VPS45: variants seen among roughly 807,000 people sequenced by gnomAD.
The protein encoded by VPS45 is vacuolar protein sorting-associated protein 45.
A neutral mutation model predicts 75.9 loss-of-function variants in VPS45; 35 were observed. The observed-to-expected ratio is 0.46, with a 90% CI of 0.35 to 0.61. The LOEUF (loss-of-function observed/expected upper bound fraction) is 0.61, where lower values mean the gene tolerates loss of function less well. Ranked by LOEUF, VPS45 falls within the 20% of genes least tolerant of loss-of-function variation. The pLI is 0.00. For missense variants in VPS45, 559 were observed against 685.9 expected, an observed-to-expected ratio of 0.81 and a Z score of 2.07; for synonymous variants, 220 against 238.2, an observed-to-expected ratio of 0.92 and a Z score of 0.70.
At chr1:150,125,700 T>A (rs751213866) in intron 14 of VPS45, among the ~76,000 whole-genome samples, 8 of 151,004 alleles carry the variant, frequency 5.3e-5, no homozygotes, top group Admixed American at 1.3e-4. Flanking sequence ...TATTTTTTAA[T>A]CATTTTTGAG....
intron 14 of VPS45, among the ~76,000 whole-genome samples, chr1:150,122,786 G>T (rs1658304241): frequency 6.6e-6 from 1 of 151,878 alleles, no homozygotes; most frequent in Admixed American, 6.6e-5. Flanking sequence ...ATCACCTGAG[G>T]TCAGGAGTTT....
At chr1:150,128,853 C>T (rs1201892656) in intron 14 of VPS45, among the ~76,000 whole-genome samples, 3 of 152,076 alleles carry the variant, frequency 2.0e-5, no homozygotes, top group African/African-American at 7.2e-5. Flanking sequence ...GATTCTCCTG[C>T]CACAAAGTCC....
In VPS45 at chr1:150,077,541, CTTCATATGG is replaced by C. The variant is rs1445518177; in HGVS notation, c.577-127_577-119del. ...CTAAACTTTGTGAGACTTTTGAATC[CTTCATATGG>C]AAGATCTATGTGGGTGCAAAGAACT... On this transcript the variant is annotated intron_variant, in intron 6 of 14. Transcript: ENST00000644510. 4.1e-6 allele frequency: 3 copies of C among 727,888 alleles called. No homozygotes were observed. In the African/African-American group the frequency reaches 5.4e-5, roughly 13 times the overall value. The allele number at this position is 727,888 out of a possible 1,614,324, so 45.1% of individuals were successfully genotyped here.
chr1:150,093,630 C>A lies in VPS45; in HGVS notation c.1475C>A (p.Pro492His), dbSNP rs1571852478. ...GAAAACCTATATCCTTATTTAGGCCCCAGCACACTCAGAGACAGGTAAGCT... is the reference window on the plus strand; with the variant it reads ...GAAAACCTATATCCTTATTTAGGCCACAGCACACTCAGAGACAGGTAAGCT... The part of the protein sequence containing the change: ...LKENLYPYLG[P>H]STLRDRPQDI... The change falls in exon 13 of 15, where the codon CCC becomes CAC. Residue 492 changes from proline to histidine, a missense_variant. By Grantham distance (77) the Pro-to-His change is moderately conservative. Transcript: ENST00000644510. The A allele has an allele frequency of 6.2e-7, 1 of 1,612,232 alleles. No individual in the cohort carries two copies. Among genetic ancestry groups the A allele is most frequent in the Non-Finnish European group, 8.5e-7 (1 of 1,179,214 alleles).
At chr1:150,074,018 T>TC (rs1236502172) in intron 3 of VPS45, among the ~76,000 whole-genome samples, 2 of 149,738 alleles carry the variant, frequency 1.3e-5, no homozygotes, top group African/African-American at 4.9e-5. Flanking sequence ...TTGTTTTTGT[T>TC]TTTTTTTTTT....
chr1:150,068,566 G>C lies in VPS45; in HGVS notation c.94-64G>C. ...AAGTATTAATGAAAAAAGAGGGTTA[G>C]ATGTGCTACTTGTTTTTATTATTCT... On this transcript the variant is annotated intron_variant, in intron 1 of 14. Transcript: ENST00000644510. 5 of 1,379,316 alleles carry C rather than the reference G, an allele frequency of 3.6e-6. No homozygotes were observed. In the South Asian group the frequency reaches 9.1e-5, roughly 25 times the overall value. 85.4% of individuals were successfully genotyped at this position (1,379,316 alleles called of 1,614,324 possible). A position where few individuals can be genotyped will look rare whatever the true frequency, so the allele number is the denominator to read the frequency against.
chr1:150,073,651 AAAC>A (rs1174821832), intron 3 of VPS45, among the ~76,000 whole-genome samples: 1 of 152,154 alleles, frequency 6.6e-6, no homozygotes, highest in East Asian at 1.9e-4. Context: ...GTTAAAAAAA[AAAC>A]AACGAATAAT....
intron 14 of VPS45, among the ~76,000 whole-genome samples, chr1:150,129,795 C>A (rs1658723841): frequency 6.6e-6 from 1 of 150,882 alleles, no homozygotes; most frequent in Non-Finnish European, 1.5e-5. Context: ...TCAAGTGATC[C>A]ACCTGCCTCA....
intron 13 of VPS45, among the ~76,000 whole-genome samples, chr1:150,108,454 A>G (rs1401837337): frequency 6.6e-6 from 1 of 152,210 alleles, no homozygotes; most frequent in African/African-American, 2.4e-5. Context: ...CATAAGTGAC[A>G]AGTGGTCACT....
intron 13 of VPS45, chr1:150,099,138 T>C: frequency 1.1e-6 from 1 of 885,330 alleles, no homozygotes; most frequent in Non-Finnish European, 1.4e-6. Context: ...ACAAAATAGA[T>C]AAAATGTTGC....
At chr1:150,136,671 C>T (rs1023232167) in intron 14 of VPS45, among the ~76,000 whole-genome samples, 1 of 149,628 alleles carries the variant, frequency 6.7e-6, no homozygotes, top group Non-Finnish European at 1.5e-5. Context: ...CACAGAGGAG[C>T]TGGTTTTTGA....
intron 14 of VPS45, among the ~76,000 whole-genome samples, chr1:150,111,282 T>G (rs1657634443): frequency 6.6e-6 from 1 of 152,094 alleles, no homozygotes; most frequent in Admixed American, 6.6e-5. Context: ...AAAATGGACA[T>G]ATGGAGGGAG....
intron 10 of VPS45, among the ~76,000 whole-genome samples, chr1:150,090,874 T>C (rs976238872): frequency 6.6e-6 from 1 of 152,238 alleles, no homozygotes; most frequent in Non-Finnish European, 1.5e-5. Flanking sequence ...ACTTGCCCTT[T>C]CCCCATATAG....
chr1:150,076,171 C>G (rs587767912), intron 3 of VPS45, 62 bp from the exon 4 acceptor site: 421 of 1,369,780 alleles, frequency 3.1e-4, no homozygotes, highest in Non-Finnish European at 2.4e-5. Flanking sequence ...CTATCAGGCC[C>G]TTTTACATAT....
At chr1:150,082,056 G>A in intron 9 of VPS45, 59 bp downstream of exon 9, 1 of 1,114,674 alleles carries the variant, frequency 9.0e-7, no homozygotes, top group Non-Finnish European at 1.3e-6. Context: ...ATTCATGTAA[G>A]CAACACTTTT....
At chr1:150,076,792 T>C in intron 4 of VPS45, 124 bp from the exon 5 acceptor site, 1 of 961,112 alleles carries the variant, frequency 1.0e-6, no homozygotes, top group Non-Finnish European at 1.6e-6. Context: ...TTGAACAATT[T>C]AGTATCTCTT....
At chr1:150,117,195 C>T (rs60616215) in intron 14 of VPS45, among the ~76,000 whole-genome samples, 3,717 of 150,122 alleles carry the variant, frequency 0.025, 144 homozygotes, top group African/African-American at 0.085. Context: ...AGGGCGACTC[C>T]GTCTCAAAAA....
chr1:150,096,047 T>C (rs1425050187), intron 13 of VPS45, among the ~76,000 whole-genome samples: 2 of 152,114 alleles, frequency 1.3e-5, no homozygotes, highest in Non-Finnish European at 2.9e-5. Flanking sequence ...ATAGTCATAT[T>C]TAATGGCACA....
intron 10 of VPS45, chr1:150,083,102 G>T: frequency 2.3e-6 from 1 of 433,130 alleles, no homozygotes. Flanking sequence ...TTAGTATAAG[G>T]GCAGCCTAGT....
Sources: gnomAD v4.1 joint callset for allele counts (sites outside exome capture counted in the v4.1 genomes callset) on GRCh38, gnomAD v4.1.1 for gene constraint, MANE v1.5 for transcripts, NCBI Gene and HGNC (gene_info 2026-07-23, HGNC 2026-07-21) for gene names.